The following TLL1 variants were observed in gnomAD, a reference collection of about 807,000 sequenced individuals.
TLL1 encodes tolloid-like protein 1.
A neutral mutation model predicts 128.2 loss-of-function variants in TLL1; 49 were observed. The observed-to-expected ratio is 0.38, with a 90% CI of 0.30 to 0.48. TLL1 has a LOEUF of 0.48. Among genes scored for constraint, TLL1 ranks in the 20% least tolerant of loss-of-function variants. The pLI is 0.96. For synonymous variants in TLL1, 454 were observed against 418.8 expected, an observed-to-expected ratio of 1.08 and a Z score of -1.03; for missense variants, 1,123 against 1,242.0, an observed-to-expected ratio of 0.90 and a Z score of 1.44.
chr4:165,886,501 T>C (rs1731169285), intron 1 of TLL1, among the ~76,000 whole-genome samples: 1 of 152,212 alleles, frequency 6.6e-6, no homozygotes. Flanking sequence ...ACAAATACTT[T>C]AACTATCAAT....
At chr4:165,918,172 A>G (rs1732871945) in intron 1 of TLL1, among the ~76,000 whole-genome samples, 1 of 152,312 alleles carries the variant, frequency 6.6e-6, no homozygotes, top group South Asian at 2.1e-4. Flanking sequence ...GGTTATATTT[A>G]TTACAGTTCA....
intron 1 of TLL1, among the ~76,000 whole-genome samples, chr4:165,956,118 C>A (rs752951559): frequency 2.0e-5 from 3 of 149,112 alleles, no homozygotes; most frequent in Non-Finnish European, 4.4e-5. Flanking sequence ...GGGAACAGGA[C>A]AAATGGCAAA....
intron 7 of TLL1, among the ~76,000 whole-genome samples, chr4:166,011,900 T>G (rs1471543380): frequency 6.6e-6 from 1 of 151,544 alleles, no homozygotes; most frequent in Non-Finnish European, 1.5e-5. Context: ...ATATGGTTTT[T>G]GTTCTTTATT....
chr4:166,096,210 G>GGTGTGT (rs60978680), intron 19 of TLL1, among the ~76,000 whole-genome samples: 2,435 of 145,510 alleles, frequency 0.017, 67 homozygotes, highest in African/African-American at 0.057. Context: ...TTCTGTCATG[G>GGTGTGT]GTGTGTGTGT....
intron 1 of TLL1, among the ~76,000 whole-genome samples, chr4:165,985,158 G>T (rs1736344915): frequency 6.6e-6 from 1 of 151,988 alleles, no homozygotes. Flanking sequence ...GAGGAAGCCG[G>T]CTGAAAACAA....
At chr4:166,017,416 T>C (rs1252686718) in intron 8 of TLL1, among the ~76,000 whole-genome samples, 2 of 152,186 alleles carry the variant, frequency 1.3e-5, no homozygotes, top group Non-Finnish European at 2.9e-5. Flanking sequence ...CATGTGTCTT[T>C]TCGGTGGTAC....
In TLL1 at chr4:165,927,925, C is replaced by A. The variant is rs578168309; in HGVS notation, c.169+53852C>A. Among the ~76,000 whole-genome samples, 142 of 152,288 alleles carry A rather than the reference C, an allele frequency of 9.3e-4. 2 individuals carry two copies. The South Asian group carries it at 0.028, about 30-fold the overall frequency. On this transcript the variant is annotated intron_variant, in intron 1 of 20. Transcript: ENST00000061240. ...TATCTCCTTTTCCTTTCCTTCCTTTCCTTTCTTTCTTTTTCCCTTCCTCTT... is the reference window on the plus strand; with the variant it reads ...TATCTCCTTTTCCTTTCCTTCCTTTACTTTCTTTCTTTTTCCCTTCCTCTT...
rs1742353895 is a variant in TLL1, at chr4:166,102,837, A to T, written c.*1961A>T. 1 of 151,988 alleles carries T rather than the reference A, an allele frequency of 6.6e-6. No homozygotes were observed. The highest frequency in any genetic ancestry group is 2.4e-5 in the African/African-American group (1 of 41,440). The allele number at this position is 151,988 out of a possible 1,614,324, so 9.4% of individuals were successfully genotyped here. ...AATGTATAACTATTGCCTGCAATGTAGATGAGCCTTTTAGTAGAGCTGATT... is the reference window on the plus strand; with the variant it reads ...AATGTATAACTATTGCCTGCAATGTTGATGAGCCTTTTAGTAGAGCTGATT... On this transcript the variant is annotated 3_prime_UTR_variant, in exon 21 of 21. Coordinates refer to ENST00000061240, the MANE Select transcript of TLL1 (RefSeq NM_012464.5).
At chr4:165,884,885 G>A (rs1013858290) in intron 1 of TLL1, among the ~76,000 whole-genome samples, 1 of 152,012 alleles carries the variant, frequency 6.6e-6, no homozygotes, top group Non-Finnish European at 1.5e-5. Context: ...ATTTCAACTT[G>A]TTTCTTGTTT....
intron 19 of TLL1, among the ~76,000 whole-genome samples, chr4:166,096,223 G>C (rs1742012853): frequency 6.7e-6 from 1 of 148,632 alleles, no homozygotes. Context: ...GTGTGTGTGT[G>C]TGTGTGTGTG....
At chr4:165,949,502 A>G (rs1734407502) in intron 1 of TLL1, among the ~76,000 whole-genome samples, 1 of 152,170 alleles carries the variant, frequency 6.6e-6, no homozygotes, top group Admixed American at 6.5e-5. Context: ...GCAGTGATAG[A>G]AAACTCATAC....
chr4:166,089,628 T>C (rs995387160), intron 18 of TLL1, among the ~76,000 whole-genome samples: 1 of 152,162 alleles, frequency 6.6e-6, no homozygotes, highest in African/African-American at 2.4e-5. Context: ...TTCCCTACGC[T>C]GTCTTCTCTT....
chr4:165,953,299 T>C (rs980346677), intron 1 of TLL1, among the ~76,000 whole-genome samples: 1 of 152,010 alleles, frequency 6.6e-6, no homozygotes, highest in African/African-American at 2.4e-5. Flanking sequence ...ACCTGCAGTT[T>C]TCAGGAACCG....
At chr4:166,086,192 AAATAT>A (rs1261622667) in intron 18 of TLL1, among the ~76,000 whole-genome samples, 1 of 152,110 alleles carries the variant, frequency 6.6e-6, no homozygotes, top group Non-Finnish European at 1.5e-5. Flanking sequence ...ATGATTATTT[AAATAT>A]AATATATATT....
chr4:166,030,982 T>C (rs1366466705), intron 9 of TLL1: 23 of 964,084 alleles, frequency 2.4e-5, no homozygotes, highest in Non-Finnish European at 2.6e-5. Flanking sequence ...ACATTTTTAA[T>C]GTACGATTTT....
chr4:165,980,054 G>T (rs1193752070), intron 1 of TLL1, among the ~76,000 whole-genome samples: 1 of 152,096 alleles, frequency 6.6e-6, no homozygotes, highest in Non-Finnish European at 1.5e-5. Context: ...TATCCAAACC[G>T]TATCCATGTT....
intron 8 of TLL1, 126 bp downstream of exon 8, chr4:166,014,686 A>G: frequency 7.0e-7 from 1 of 1,418,518 alleles, no homozygotes; most frequent in Non-Finnish European, 9.8e-7. Flanking sequence ...GTACAGTTCA[A>G]AGTCAGTAAT....
chr4:165,880,932 T>C (rs1419470732), intron 1 of TLL1, among the ~76,000 whole-genome samples: 1 of 152,208 alleles, frequency 6.6e-6, no homozygotes, highest in Admixed American at 6.5e-5. Flanking sequence ...TGAGTGTATT[T>C]GAAGAGTTTA....
At chr4:166,077,348 T>C (rs566530758) in intron 17 of TLL1, among the ~76,000 whole-genome samples, 1 of 152,266 alleles carries the variant, frequency 6.6e-6, no homozygotes, top group South Asian at 2.1e-4. Context: ...AGTGCTTCCA[T>C]TTGCTTTGAT....
Sources: gnomAD v4.1 joint callset for allele counts (sites outside exome capture counted in the v4.1 genomes callset) on GRCh38, gnomAD v4.1.1 for gene constraint, MANE v1.5 for transcripts, NCBI Gene and HGNC (gene_info 2026-07-23, HGNC 2026-07-21) for gene names.